TF: variants seen among roughly 807,000 people sequenced by gnomAD.
The protein encoded by TF is transferrin, also known as serotransferrin.
TF carries 55 observed loss-of-function variants against 82.4 expected under a neutral mutation model. That is an observed-to-expected ratio of 0.67 (90% CI 0.54 to 0.84). The LOEUF is 0.84. Among genes scored for constraint, TF ranks in the 40% least tolerant of loss-of-function variants. TF has a pLI of 0.00. For synonymous variants in TF, 332 were observed against 332.6 expected (o/e 1.00, Z 0.02); for missense variants, 737 against 868.4 (o/e 0.85, Z 1.90).
chr3:133,753,638 A>T lies in TF; in HGVS notation c.260A>T (p.Tyr87Phe). 4.3e-6 allele frequency: 7 copies of T among 1,614,194 alleles called. No homozygotes were observed. The highest frequency in any genetic ancestry group is 5.9e-6 in the Non-Finnish European group (7 of 1,180,042). Residue 87 changes from tyrosine to phenylalanine, a missense_variant, in exon 3 of 17, where the codon TAT becomes TTT. Coordinates refer to ENST00000402696, the MANE Select transcript of TF (RefSeq NM_001063.4). ...GTGACACTGGATGCAGGTTTGGTGT[A>T]TGATGCTTACCTGGCTCCCAATAAC... Reference protein sequence around the residue: ...DAVTLDAGLVYDAYLAPNNLK... With the variant: ...DAVTLDAGLVFDAYLAPNNLK...
the TF span, among the ~76,000 whole-genome samples, chr3:133,717,330 C>T: frequency 3.3e-5 from 5 of 152,148 alleles, no homozygotes; most frequent in African/African-American, 1.2e-4. Flanking sequence ...GGTAGGGTTG[C>T]CACATACAAT....
upstream of TF, among the ~76,000 whole-genome samples, chr3:133,743,451 G>A (rs975497304): frequency 2.0e-5 from 3 of 151,992 alleles, no homozygotes; most frequent in Admixed American, 1.3e-4. Flanking sequence ...TGTGACCCCA[G>A]ATGAGCTCCT....
At chr3:133,749,476 A>T (rs956256965) in intron 2 of TF, among the ~76,000 whole-genome samples, 1 of 152,206 alleles carries the variant, frequency 6.6e-6, no homozygotes, top group Non-Finnish European at 1.5e-5. Flanking sequence ...CACACGAATA[A>T]GTAAACTACT....
In TF at chr3:133,757,935, G is replaced by A. The variant is rs773827823; in HGVS notation, c.1037G>A (p.Arg346Gln). ...TATGTCACTGCCATCCGGAATCTAC[G>A]GGAAGGCACATGTGAGTACCTGGGA... ...YEYVTAIRNL[R>Q]EGTCPEAPTD... The change falls in exon 8 of 17, where the codon CGG (arginine) becomes CAG (glutamine). Residue 346 changes from arginine (R) to glutamine (Q), a missense_variant. By Grantham distance (43) the Arg-to-Gln change is conservative (BLOSUM62 1). Transcript: ENST00000402696. 27 of 1,614,106 alleles carry A rather than the reference G, an allele frequency of 1.7e-5. No homozygotes were observed. The East Asian group carries it at 2.5e-4, about 15-fold the overall frequency.
chr3:133,723,456 T>C, the TF span, among the ~76,000 whole-genome samples: 7 of 151,014 alleles, frequency 4.6e-5, no homozygotes, highest in African/African-American at 1.7e-4. Context: ...CCATAGGGTT[T>C]CTTCATTCCT....
chr3:133,776,315 T>C (rs894282091), intron 15 of TF, among the ~76,000 whole-genome samples: 20 of 152,132 alleles, frequency 1.3e-4, no homozygotes, highest in Non-Finnish European at 4.4e-5. Context: ...GAACAACCAC[T>C]CAGGGCCAGC....
chr3:133,772,097 C>T (rs752240966), intron 14 of TF, among the ~76,000 whole-genome samples: 6 of 152,194 alleles, frequency 3.9e-5, no homozygotes, highest in Non-Finnish European at 5.9e-5. Context: ...ATTGAATTCA[C>T]CACACTCTGT....
At chr3:133,725,971 G>T in the TF span, among the ~76,000 whole-genome samples, 1 of 152,134 alleles carries the variant, frequency 6.6e-6, no homozygotes, top group Non-Finnish European at 1.5e-5. Flanking sequence ...ATCAATTTGC[G>T]TATATTGAAC....
the TF span, among the ~76,000 whole-genome samples, chr3:133,676,749 G>A: frequency 2.6e-5 from 4 of 152,256 alleles, no homozygotes; most frequent in Admixed American, 1.3e-4. Flanking sequence ...GTGCAGCCCC[G>A]CTGGGATCGT....
chr3:133,754,029 C>T (rs1169519538), intron 3 of TF: 1 of 475,954 alleles, frequency 2.1e-6, no homozygotes, highest in Admixed American at 3.3e-5. Flanking sequence ...GCCTCTGGAG[C>T]CATAGGTACC....
the TF span, among the ~76,000 whole-genome samples, chr3:133,732,510 G>A: frequency 1.3e-5 from 2 of 152,322 alleles, no homozygotes; most frequent in South Asian, 2.1e-4. Flanking sequence ...GCCAACAGCG[G>A]CAACCCACTC....
the TF span, among the ~76,000 whole-genome samples, chr3:133,675,078 C>T: frequency 3.3e-5 from 5 of 151,866 alleles, no homozygotes; most frequent in African/African-American, 1.2e-4. Context: ...AACCCCGTCT[C>T]TACTAAAAAT....
intron 5 of TF, 200 bp downstream of exon 5, chr3:133,755,695 G>A (rs535768703): frequency 1.5e-6 from 1 of 677,206 alleles, no homozygotes; most frequent in South Asian, 1.8e-5. Context: ...ACCCTGACAA[G>A]TAGGTCCTTT....
the TF span, chr3:133,699,762 C>T: frequency 2.7e-6 from 1 of 371,278 alleles, no homozygotes; most frequent in South Asian, 2.1e-5. Flanking sequence ...ACATGTGATC[C>T]TCTTCACTGA....
the TF span, among the ~76,000 whole-genome samples, chr3:133,690,171 G>A: frequency 1.3e-5 from 2 of 149,572 alleles, no homozygotes; most frequent in Non-Finnish European, 3.0e-5. Context: ...CCATGACAAA[G>A]AAATGTTTTT....
the TF span, among the ~76,000 whole-genome samples, chr3:133,686,509 TCAAA>T: frequency 4.6e-5 from 7 of 151,780 alleles, no homozygotes; most frequent in South Asian, 1.5e-3. Flanking sequence ...CAAGAAAAAA[TCAAA>T]CAACCCCATC....
chr3:133,772,314 CT>C (rs771739650), intron 14 of TF, among the ~76,000 whole-genome samples: 3 of 152,100 alleles, frequency 2.0e-5, no homozygotes, highest in Non-Finnish European at 4.4e-5. Context: ...CCCTTGATTT[CT>C]TTTGGTACTT....
the TF span, among the ~76,000 whole-genome samples, chr3:133,733,867 CAA>C: frequency 1.1e-3 from 112 of 98,242 alleles, no homozygotes; most frequent in Middle Eastern, 4.2e-3. Flanking sequence ...CCTTAAAAAA[CAA>C]AAAAAAAAAA....
intron 13 of TF, among the ~76,000 whole-genome samples, chr3:133,770,071 C>G (rs184832936): frequency 6.6e-6 from 1 of 152,232 alleles, no homozygotes; most frequent in Non-Finnish European, 1.5e-5. Context: ...TGTTAAAATT[C>G]TTTTTCAAAG....
Sources: gnomAD v4.1 joint callset for allele counts (sites outside exome capture counted in the v4.1 genomes callset) on GRCh38, gnomAD v4.1.1 for gene constraint, MANE v1.5 for transcripts, NCBI Gene and HGNC (gene_info 2026-07-23, HGNC 2026-07-21) for gene names.